BOLA3: variants seen among roughly 807,000 people sequenced by gnomAD.
The protein encoded by BOLA3 is bolA family member 3, also known as bolA-like protein 3.
Under a neutral mutation model 14.5 loss-of-function variants are expected in BOLA3, and 8 were observed. That is an observed-to-expected ratio of 0.55 (90% CI 0.32 to 0.99). BOLA3 has a LOEUF of 0.99. BOLA3 is among the 50% of genes least tolerant of loss of function. The pLI is 0.04. For missense variants in BOLA3, 115 were observed against 138.2 expected, an observed-to-expected ratio of 0.83 and a Z score of 0.84; for synonymous variants, 42 against 45.7, an observed-to-expected ratio of 0.92 and a Z score of 0.33.
chr2:74,136,124 A>AT (rs1692324439), intron 3 of BOLA3, among the ~76,000 whole-genome samples: 1 of 151,542 alleles, frequency 6.6e-6, no homozygotes, highest in African/African-American at 2.4e-5. Context: ...TAATTTTTTT[A>AT]TTTTTTGTAG....
At chr2:74,139,311 G>T (rs1189648034) in intron 3 of BOLA3, among the ~76,000 whole-genome samples, 1 of 152,108 alleles carries the variant, frequency 6.6e-6, no homozygotes, top group Non-Finnish European at 1.5e-5. Context: ...AGGCAAAATA[G>T]ATGAGGCAAG....
intron 2 of BOLA3, among the ~76,000 whole-genome samples, chr2:74,142,569 C>T (rs1444794744): frequency 6.6e-6 from 1 of 152,114 alleles, no homozygotes; most frequent in Admixed American, 6.6e-5. Context: ...ATGTGCTCTT[C>T]CTTTTGCGAG....
chr2:74,140,293 AAAG>A (rs907749387), intron 3 of BOLA3, among the ~76,000 whole-genome samples: 17 of 152,292 alleles, frequency 1.1e-4, no homozygotes, highest in Admixed American at 9.8e-4. Context: ...GAGGGAAAAA[AAAG>A]AAGTATATAT....
Position 74,142,269 on chromosome 2 carries a change from G to A in BOLA3, c.258+3C>T, listed in dbSNP as rs778463325. 5 of 1,608,512 alleles carry A rather than the reference G, an allele frequency of 3.1e-6. No homozygotes were observed. In the South Asian group the frequency reaches 5.5e-5, roughly 18 times the overall value. The stretch of plus-strand genomic sequence containing the variant: ...GGCAAGGGGCACTGTTGCCTCTACT[G>A]ACCTGATTAACCATCTGGTGCTGCT... On this transcript the variant is annotated splice_donor_region_variant and intron_variant, in intron 3 of 3. Transcript: ENST00000327428.
At chr2:74,136,750 C>T (rs749659717) in intron 3 of BOLA3, among the ~76,000 whole-genome samples, 44 of 152,126 alleles carry the variant, frequency 2.9e-4, no homozygotes, top group Admixed American at 5.2e-4. Flanking sequence ...TTTGTTATTT[C>T]GAGCATCAAG....
Position 74,135,540 on chromosome 2 carries a change from A to C in BOLA3, c.*53T>G. The C allele has an allele frequency of 6.2e-7, 1 of 1,610,932 alleles. No homozygotes were observed. Among genetic ancestry groups the C allele is most frequent in the Non-Finnish European group, 8.5e-7 (1 of 1,177,664 alleles). ...TGACTGCTTAGGGAAGAATGATGTC[A>C]GTGAAGTTCATCCAAGGTCTTAAGC... On this transcript the variant is annotated 3_prime_UTR_variant, in exon 4 of 4. Coordinates refer to ENST00000327428, the MANE Select transcript of BOLA3 (RefSeq NM_212552.3).
chr2:74,141,692 A>G (rs1365322806), intron 3 of BOLA3, among the ~76,000 whole-genome samples: 1 of 152,216 alleles, frequency 6.6e-6, no homozygotes, highest in Non-Finnish European at 1.5e-5. Flanking sequence ...ACCTTCCAGA[A>G]CGATGCCAAA....
chr2:74,139,911 G>A (rs1168319842), intron 3 of BOLA3, among the ~76,000 whole-genome samples: 3 of 152,182 alleles, frequency 2.0e-5, no homozygotes, highest in Non-Finnish European at 4.4e-5. Flanking sequence ...TAGGGAGGCC[G>A]AGGCAGGAGG....
intron 1 of BOLA3, chr2:74,145,561 A>C (rs1692528372): frequency 1.9e-6 from 1 of 523,970 alleles, no homozygotes; most frequent in South Asian, 2.1e-5. Context: ...AAGAGGCCCC[A>C]AACCTAATTC....
At chr2:74,147,735 TC>T (rs1692573176) in intron 1 of BOLA3, 85 bp downstream of exon 1, 5 of 1,395,122 alleles carry the variant, frequency 3.6e-6, no homozygotes, top group Non-Finnish European at 4.9e-6. Flanking sequence ...CGGGAGCCAG[TC>T]CTCAAGCCCC....
chr2:74,136,994 A>C (rs184099664), intron 3 of BOLA3, among the ~76,000 whole-genome samples: 3 of 152,200 alleles, frequency 2.0e-5, no homozygotes, highest in African/African-American at 7.2e-5. Flanking sequence ...TCAAGTTTAT[A>C]ATCAGTACAG....
At chr2:74,139,069 A>T (rs990750216) in intron 3 of BOLA3, among the ~76,000 whole-genome samples, 2 of 152,142 alleles carry the variant, frequency 1.3e-5, no homozygotes, top group Admixed American at 6.5e-5. Flanking sequence ...AGGCTGACGC[A>T]CTGGGCCCTG....
In BOLA3 at chr2:74,145,369, G is replaced by A. The variant is rs536112746; in HGVS notation, c.55-66C>T. On this transcript the variant is annotated intron_variant, in intron 1 of 3. Coordinates refer to ENST00000327428, the MANE Select transcript of BOLA3 (RefSeq NM_212552.3). Reference sequence around the variant, plus strand: ...GCTGTTGCCCCTGAGCTGGGCCACTGTGCAGGCCCGCCTGCCATTCCCCCT... The same window carrying A: ...GCTGTTGCCCCTGAGCTGGGCCACTATGCAGGCCCGCCTGCCATTCCCCCT... The A allele has an allele frequency of 3.2e-4, 309 of 964,944 alleles. 2 individuals carry two copies. In the Middle Eastern group the frequency reaches 8.1e-3, roughly 25 times the overall value. The allele number at this position is 964,944 out of a possible 1,614,324, so 59.8% of individuals were successfully genotyped here.
intron 1 of BOLA3, 148 bp downstream of exon 1, chr2:74,147,673 G>C: frequency 1.3e-6 from 1 of 742,968 alleles, no homozygotes; most frequent in Non-Finnish European, 2.3e-6. Flanking sequence ...ATGAAAGAAT[G>C]AATGAGAGAA....
chr2:74,135,980 C>T (rs571994824), intron 3 of BOLA3, among the ~76,000 whole-genome samples: 6 of 144,898 alleles, frequency 4.1e-5, no homozygotes, highest in East Asian at 2.0e-4. Flanking sequence ...GTCATGGTCT[C>T]GCTCTAGCGC....
At position 74,146,066 on chromosome 2, in the gene BOLA3, C is replaced by A. The variant is rs188741896; in HGVS notation, c.55-763G>T. The A allele has an allele frequency of 3.7e-3, 558 of 151,206 alleles. 2 individuals are homozygous for A. Among genetic ancestry groups the A allele is most frequent in the Non-Finnish European group, 6.4e-3 (435 of 67,904 alleles). 9.4% of individuals were successfully genotyped at this position (151,206 alleles called of 1,614,324 possible). A position where few individuals can be genotyped will look rare whatever the true frequency, so the allele number is the denominator to read the frequency against. On this transcript the variant is annotated intron_variant, in intron 1 of 3. Transcript: ENST00000327428. ...GGAGTGCAGTGGCACAATCTCAGCT[C>A]ACTGCAACTTCCACCTCCCGGGTTC... is the stretch of plus-strand genomic sequence containing the variant.
chr2:74,142,362 TA>T lies in BOLA3; in HGVS notation c.170-3del. On this transcript the variant is annotated splice_polypyrimidine_tract_variant and splice_region_variant and intron_variant, in intron 2 of 3. Transcript: ENST00000327428. ...TTTCATACATCGCCCCACAACCTCC[TA>T]AAATAAACATGATTCAAAAGCATTT... 6.2e-7 allele frequency: 1 copy of T among 1,606,750 alleles called. No individual in the cohort carries two copies. Among genetic ancestry groups the T allele is most frequent in the African/African-American group, 1.3e-5 (1 of 74,892 alleles).
At chr2:74,144,243 G>A (rs1357440810) in intron 2 of BOLA3, among the ~76,000 whole-genome samples, 2 of 150,002 alleles carry the variant, frequency 1.3e-5, no homozygotes, top group Non-Finnish European at 3.0e-5. Context: ...TCCTGACCTC[G>A]TGATCCACCT....
At position 74,147,886 on chromosome 2, in the gene BOLA3, G is replaced by T. The variant is rs756461611; in HGVS notation, c.-12C>A. 1.1e-5 allele frequency: 16 copies of T among 1,513,878 alleles called. No individual in the cohort carries two copies. Among genetic ancestry groups the T allele is most frequent in the African/African-American group, 1.4e-5 (1 of 70,064 alleles). The allele number at this position is 1,513,878 out of a possible 1,614,324, so 93.8% of individuals were successfully genotyped here. On this transcript the variant is annotated 5_prime_UTR_variant, in exon 1 of 4. Coordinates refer to ENST00000327428, the MANE Select transcript of BOLA3 (RefSeq NM_212552.3). ...CTCCATGCAGCCATGCCCGGCCGAC[G>T]TGACCCGCCGCCCGAGGTCACTGTA... is the stretch of plus-strand genomic sequence containing the variant.
Sources: gnomAD v4.1 joint callset for allele counts (sites outside exome capture counted in the v4.1 genomes callset) on GRCh38, gnomAD v4.1.1 for gene constraint, MANE v1.5 for transcripts, NCBI Gene and HGNC (gene_info 2026-07-23, HGNC 2026-07-21) for gene names.